The following AMY2B variants were observed in gnomAD, a reference collection of about 807,000 sequenced individuals.
AMY2B encodes amylase alpha 2B, also known as alpha-amylase 2B.
Under a neutral mutation model 59.3 loss-of-function variants are expected in AMY2B, and 63 were observed. That is an observed-to-expected ratio of 1.06 (90% CI 0.87 to 1.31). AMY2B has a LOEUF of 1.31. Ranked by LOEUF, AMY2B falls within the 50% of genes most tolerant of loss-of-function variation. The pLI is 0.00. For synonymous variants in AMY2B, 180 were observed against 198.1 expected (o/e 0.91, Z 0.77); for missense variants, 635 against 626.7 (o/e 1.01, Z -0.14).
At chr1:103,570,588 T>A, upstream of AMY2B, 1 of 594,814 alleles carries the variant, frequency 1.7e-6, no homozygotes, top group South Asian at 1.5e-5. Flanking sequence ...CATCCTGGCC[T>A]CACTGTCAGC....
intron 1 of AMY2B, chr1:103,562,070 T>C (rs898899833): frequency 4.6e-5 from 7 of 152,214 alleles, no homozygotes; most frequent in Non-Finnish European, 1.0e-4. Context: ...GTTTGGGAGA[T>C]TGCTGATTGA....
Position 103,573,207 on chromosome 1 carries a change from G to A in AMY2B, c.460G>A (p.Gly154Ser), listed in dbSNP as rs774244667. The A allele has an allele frequency of 1.2e-6, 2 of 1,613,682 alleles. No individual in the cohort carries two copies. Among genetic ancestry groups the A allele is most frequent in the Admixed American group, 1.7e-5 (1 of 59,994 alleles). The change falls in exon 3 of 10, where the codon GGT (glycine) becomes AGT (serine). Residue 154 changes from glycine (G) to serine (S), a missense_variant. Physicochemically the swap from Gly to Ser is moderately conservative, Grantham distance 56 (BLOSUM62 0). Transcript: ENST00000684275. ...ATATTCTGGATGGGATTTTAATGATGGTAAATGTAAAACTGGAAGTGGAGA... is the reference window on the plus strand; with the variant it reads ...ATATTCTGGATGGGATTTTAATGATAGTAAATGTAAAACTGGAAGTGGAGA... ...VPYSGWDFND[G>S]KCKTGSGDIE...
At chr1:103,564,062 AAATATC>A (rs1221774650) in intron 1 of AMY2B, among the ~76,000 whole-genome samples, 2 of 152,158 alleles carry the variant, frequency 1.3e-5, no homozygotes, top group Non-Finnish European at 1.5e-5. Flanking sequence ...GACCAGGTAA[AAATATC>A]AATACAAAAA....
chr1:103,562,566 A>G (rs1651766926), intron 1 of AMY2B, among the ~76,000 whole-genome samples: 1 of 152,090 alleles, frequency 6.6e-6, no homozygotes, highest in African/African-American at 2.4e-5. Context: ...TAAATGTGAC[A>G]TTAAGGTATT....
chr1:103,571,580 G>A, upstream of AMY2B: 1 of 1,609,350 alleles, frequency 6.2e-7, no homozygotes, highest in Non-Finnish European at 8.5e-7. Flanking sequence ...TTCTGGAAAG[G>A]ACACTGACAA....
At chr1:103,575,680 T>G (rs1434653794) in intron 7 of AMY2B, 140 bp downstream of exon 7, 27 of 1,261,076 alleles carry the variant, frequency 2.1e-5, no homozygotes, top group Non-Finnish European at 2.5e-5. Flanking sequence ...ATTTTAGTAA[T>G]GCAGGTTATA....
Position 103,573,771 on chromosome 1 carries a change from A to C in AMY2B, c.577A>C (p.Lys193Gln), listed in dbSNP as rs201719981. ...LALEKDYVRS[K>Q]IAEYMNHLID... ...ACTGGAGAAAGATTATGTGCGTTCCAAGATTGCCGAATATATGAATCATCT... is the reference window on the plus strand; with the variant it reads ...ACTGGAGAAAGATTATGTGCGTTCCCAGATTGCCGAATATATGAATCATCT... Residue 193 changes from lysine to glutamine, a missense_variant, in exon 4 of 10, where the codon AAG becomes CAG. Physicochemically the swap from Lys to Gln is moderately conservative, Grantham distance 53 (BLOSUM62 1). Coordinates refer to ENST00000684275, the MANE Select transcript of AMY2B (RefSeq NM_001387437.1). 29 of 1,613,734 alleles carry C rather than the reference A, an allele frequency of 1.8e-5. No homozygotes were observed. Among genetic ancestry groups the C allele is most frequent in the Non-Finnish European group, 1.9e-5 (23 of 1,179,768 alleles).
Position 103,573,082 on chromosome 1 carries a change from C to T in AMY2B, c.335C>T (p.Ala112Val), listed in dbSNP as rs112279755. The change falls in exon 3 of 10, where the codon GCT becomes GTT. Residue 112 changes from alanine (A) to valine (V), a missense_variant. Transcript: ENST00000684275. ...NNVGVRIYVD[A>V]VINHMSGNAV... ...TTCTAGGTTCGTATTTATGTGGATG[C>T]TGTAATTAATCATATGTCTGGTAAT... 1.2e-6 allele frequency: 2 copies of T among 1,613,648 alleles called. No individual in the cohort carries two copies.
chr1:103,578,691 A>T (rs573398511), intron 9 of AMY2B, among the ~76,000 whole-genome samples: 73 of 152,290 alleles, frequency 4.8e-4, no homozygotes, highest in Non-Finnish European at 9.0e-4. Flanking sequence ...ACCAAAATAA[A>T]TTTTTGTGAG....
chr1:103,579,449 T>C lies in AMY2B; in HGVS notation c.1485T>C (p.Ser495=), dbSNP rs747386821. 3.7e-6 allele frequency: 6 copies of C among 1,611,784 alleles called. No individual in the cohort carries two copies. The highest frequency in any genetic ancestry group is 5.1e-6 in the Non-Finnish European group (6 of 1,179,686). ...SDDGKAHFSI[S]NSAEDPFIAI... is the part of the protein sequence containing the mutation. The stretch of plus-strand genomic sequence containing the variant: ...ATGGCAAAGCTCATTTTTCTATTAG[T>C]AACTCTGCTGAGGATCCATTTATTG... Residue 495 remains serine (S), a synonymous_variant, in exon 10 of 10, where the codon AGT becomes AGC. Transcript: ENST00000684275.
intron 1 of AMY2B, among the ~76,000 whole-genome samples, chr1:103,564,475 AATC>A (rs1247816903): frequency 6.6e-6 from 1 of 152,072 alleles, no homozygotes; most frequent in Non-Finnish European, 1.5e-5. Flanking sequence ...TGCTTTTAAA[AATC>A]ATCTCGGGTA....
intron 5 of AMY2B, among the ~76,000 whole-genome samples, chr1:103,574,961 T>G (rs1652286866): frequency 1.3e-5 from 2 of 150,978 alleles, no homozygotes; most frequent in South Asian, 2.1e-4. Flanking sequence ...TATTCCATAC[T>G]TGTATATACG....
chr1:103,579,439 T>C lies in AMY2B; in HGVS notation c.1475T>C (p.Phe492Ser), dbSNP rs145989588. Reference protein sequence around the residue: ...IYVSDDGKAHFSISNSAEDPF... With the variant: ...IYVSDDGKAHSSISNSAEDPF... ...GTTTCTGACGATGGCAAAGCTCATTTTTCTATTAGTAACTCTGCTGAGGAT... is the reference window on the plus strand; with the variant it reads ...GTTTCTGACGATGGCAAAGCTCATTCTTCTATTAGTAACTCTGCTGAGGAT... Residue 492 changes from phenylalanine (F) to serine (S), a missense_variant, in exon 10 of 10, where the codon TTT (phenylalanine) becomes TCT (serine). By Grantham distance (155) the Phe-to-Ser change is radical. Transcript: ENST00000684275. 1.6e-4 allele frequency: 250 copies of C among 1,611,776 alleles called. 1 individual carries two copies. The African/African-American group carries it at 3.0e-3, about 20-fold the overall frequency.
At chr1:103,578,795 G>T (rs1156486508) in intron 9 of AMY2B, among the ~76,000 whole-genome samples, 1 of 138,108 alleles carries the variant, frequency 7.2e-6, no homozygotes, top group African/African-American at 2.7e-5. Flanking sequence ...GGGGAAAAAA[G>T]GAGATTAAAA....
At chr1:103,563,015 A>G in intron 1 of AMY2B, among the ~76,000 whole-genome samples, 1 of 152,084 alleles carries the variant, frequency 6.6e-6, no homozygotes, top group Non-Finnish European at 1.5e-5. Flanking sequence ...ATGTCAAAAT[A>G]GATACCTCAT....
chr1:103,578,890 A>G (rs1381397088), intron 9 of AMY2B, among the ~76,000 whole-genome samples: 2 of 152,016 alleles, frequency 1.3e-5, no homozygotes, highest in African/African-American at 4.8e-5. Flanking sequence ...ATTGGGAGAT[A>G]TACCTAATGC....
chr1:103,575,046 TTGTG>T (rs1293830335), intron 5 of AMY2B, among the ~76,000 whole-genome samples, 173 bp from the exon 6 acceptor site: 8 of 127,086 alleles, frequency 6.3e-5, no homozygotes, highest in South Asian at 2.7e-4. Flanking sequence ...GAGTGTGTGT[TTGTG>T]TGTGTGTATG....
chr1:103,559,595 A>G (rs924214232), intron 1 of AMY2B, among the ~76,000 whole-genome samples: 9 of 152,206 alleles, frequency 5.9e-5, no homozygotes, highest in African/African-American at 1.9e-4. Context: ...TTTGCAATAC[A>G]TGACAAACGA....
At chr1:103,579,124 A>C (rs1652476751) in intron 9 of AMY2B, among the ~76,000 whole-genome samples, 187 bp from the exon 10 acceptor site, 1 of 152,140 alleles carries the variant, frequency 6.6e-6, no homozygotes, top group Non-Finnish European at 1.5e-5. Context: ...GAACTGCTAC[A>C]TTTTCTGTAA....
Sources: gnomAD v4.1 joint callset for allele counts (sites outside exome capture counted in the v4.1 genomes callset) on GRCh38, gnomAD v4.1.1 for gene constraint, MANE v1.5 for transcripts, NCBI Gene and HGNC (gene_info 2026-07-23, HGNC 2026-07-21) for gene names.